The following JMJD6 variants were observed in gnomAD, a reference collection of about 807,000 sequenced individuals.
JMJD6 encodes the protein bifunctional arginine demethylase and lysyl-hydroxylase JMJD6.
JMJD6 carries 17 observed loss-of-function variants against 45.8 expected under a neutral mutation model. That is an observed-to-expected ratio of 0.37 (90% CI 0.25 to 0.56). The LOEUF is 0.56. Ranked by LOEUF, JMJD6 falls within the 20% of genes least tolerant of loss-of-function variation. The pLI, the probability that JMJD6 is intolerant of heterozygous loss-of-function variation, is 0.79. For synonymous variants in JMJD6, 221 were observed against 196.3 expected, an observed-to-expected ratio of 1.13 and a Z score of -1.05; for missense variants, 470 against 517.5, an observed-to-expected ratio of 0.91 and a Z score of 0.89.
Position 76,718,839 on chromosome 17 carries a change from C to A in JMJD6, c.1102G>T (p.Asp368Tyr). The A allele has an allele frequency of 6.2e-7, 1 of 1,614,110 alleles. No individual in the cohort carries two copies. The highest frequency in any genetic ancestry group is 8.5e-7 in the Non-Finnish European group (1 of 1,179,980). Residue 368 changes from aspartate to tyrosine, a missense_variant, in exon 6 of 6, where the codon GAT (aspartate) becomes TAT (tyrosine). Physicochemically the swap from Asp to Tyr is radical, Grantham distance 160. Around this residue, in one of 4 missense-constraint regions of JMJD6, gnomAD observed 45 missense variants for 37.2 expected, o/e 1.21. Transcript: ENST00000397625. ...TTCTTCCTGCGGTGCACTGTCCCAT[C>A]GCCCTCGGATCCAGACTCGCACTGG... is the stretch of plus-strand genomic sequence containing the variant. ...DSECESGSEG[D>Y]GTVHRRKKRR...
chr17:76,726,147 C>T (rs779638647), intron 1 of JMJD6, among the ~76,000 whole-genome samples, 200 bp downstream of exon 1: 3 of 152,256 alleles, frequency 2.0e-5, no homozygotes, highest in Non-Finnish European at 4.4e-5. Flanking sequence ...TCCGCCAGAG[C>T]AGACGGGCGG....
intron 3 of JMJD6, among the ~76,000 whole-genome samples, chr17:76,722,560 C>A (rs2076838054): frequency 6.6e-6 from 1 of 152,054 alleles, no homozygotes; most frequent in South Asian, 2.1e-4. Context: ...CAGAATTAAA[C>A]CCTGGCCGGG....
Position 76,719,132 on chromosome 17 carries a change from T to G in JMJD6, c.1081-272A>C, listed in dbSNP as rs141756368. On this transcript the variant is annotated intron_variant, in intron 5 of 5. Coordinates refer to ENST00000397625, the MANE Select transcript of JMJD6 (RefSeq NM_015167.3). The stretch of plus-strand genomic sequence containing the variant: ...ATCTGTCTGAATAGGATACCCATTG[T>G]AAAAATCTTTTAGTCAGAATTCTGA... Among the ~76,000 whole-genome samples the G allele has an allele frequency of 5.4e-3, 820 of 152,322 alleles. 5 individuals are homozygous for G. The highest frequency in any genetic ancestry group is 0.01 in the Middle Eastern group (3 of 294).
intron 3 of JMJD6, 73 bp from the exon 4 acceptor site, chr17:76,722,006 A>T: frequency 6.5e-7 from 1 of 1,530,726 alleles, no homozygotes; most frequent in East Asian, 2.4e-5. Flanking sequence ...CACACACCAG[A>T]AATTGGGAAC....
chr17:76,723,669 C>T, intron 3 of JMJD6, 103 bp downstream of exon 3: 1 of 1,092,132 alleles, frequency 9.2e-7, no homozygotes, highest in Non-Finnish European at 1.4e-6. Flanking sequence ...TCTCGATCTC[C>T]TGACCTCGTG....
downstream of JMJD6, among the ~76,000 whole-genome samples, chr17:76,718,237 G>C (rs934799081): frequency 6.7e-6 from 1 of 149,608 alleles, no homozygotes; most frequent in Non-Finnish European, 1.5e-5. Flanking sequence ...CACTCAAGCA[G>C]CAACGGCAAA....
Position 76,723,934 on chromosome 17 carries a change from T to C in JMJD6, c.643A>G (p.Arg215Gly). ...TCTCGGGTCACTTTGATGAGTTCCC[T>C]GGGAGTGCTGGTAGGAAACAGGCAC... Reference protein sequence around the residue: ...RWCLFPTSTPRELIKVTRDEG... With the variant: ...RWCLFPTSTPGELIKVTRDEG... Residue 215 changes from arginine to glycine, a missense_variant, in exon 3 of 6, where the codon AGG (arginine) becomes GGG (glycine). This residue lies in a region of JMJD6 where 346 missense variants were observed against 339.5 expected (regional missense o/e 1.02). Coordinates refer to ENST00000397625, the MANE Select transcript of JMJD6 (RefSeq NM_015167.3). 6.2e-7 allele frequency: 1 copy of C among 1,614,124 alleles called. No homozygotes were observed. The highest frequency in any genetic ancestry group is 8.5e-7 in the Non-Finnish European group (1 of 1,180,014).
intron 1 of JMJD6, 118 bp downstream of exon 1, chr17:76,726,229 G>T (rs1357668410): frequency 2.3e-6 from 3 of 1,331,276 alleles, no homozygotes; most frequent in South Asian, 1.5e-5. Context: ...CGGGGTGCGG[G>T]TGAGCCTCTA....
chr17:76,719,734 T>A (rs763723877), intron 5 of JMJD6, among the ~76,000 whole-genome samples: 4 of 152,196 alleles, frequency 2.6e-5, no homozygotes, highest in Non-Finnish European at 5.9e-5. Flanking sequence ...AGCTTTGAGG[T>A]CAGAAGGATG....
rs374662446 is a variant in JMJD6 at position 76,723,929 on chromosome 17, T to C, written c.648A>G (p.Glu216=). The stretch of plus-strand genomic sequence containing the variant: ...CTTCGTCTCGGGTCACTTTGATGAG[T>C]TCCCTGGGAGTGCTGGTAGGAAACA... ...WCLFPTSTPR[E]LIKVTRDEGG... is the part of the protein sequence containing the mutation. The change falls in exon 3 of 6, where the codon GAA becomes GAG. Residue 216 remains glutamate, a synonymous_variant. Coordinates refer to ENST00000397625, the MANE Select transcript of JMJD6 (RefSeq NM_015167.3). The C allele has an allele frequency of 6.8e-6, 11 of 1,613,926 alleles. No individual in the cohort carries two copies. Among genetic ancestry groups the C allele is most frequent in the African/African-American group, 2.7e-5 (2 of 74,846 alleles).
In JMJD6 at chr17:76,725,834, C is replaced by T. The variant is rs1452340798; in HGVS notation, c.151G>A (p.Ala51Thr). 2.5e-6 allele frequency: 4 copies of T among 1,612,412 alleles called. No individual in the cohort carries two copies. In the South Asian group the frequency reaches 4.4e-5, roughly 18 times the overall value. Residue 51 changes from alanine (A) to threonine (T), a missense_variant, in exon 2 of 6, where the codon GCT (alanine) becomes ACT (threonine). Transcript: ENST00000397625. ...AVADNVERADALQLSVEEFVE... is the reference protein window; with the variant it reads ...AVADNVERADTLQLSVEEFVE... ...AATTCTTCCACAGACAGCTGTAAAG[C>T]ATCTGCCCTTTCCACGTTATCCTGA...
downstream of JMJD6, chr17:76,716,620 G>A: frequency 1.4e-6 from 2 of 1,458,582 alleles, no homozygotes; most frequent in Non-Finnish European, 1.9e-6. Flanking sequence ...GAAGATGCGA[G>A]AACTGAGTTG....
At chr17:76,718,160 C>CAAA (rs11335765), downstream of JMJD6, among the ~76,000 whole-genome samples, 3 of 65,862 alleles carry the variant, frequency 4.6e-5, no homozygotes, top group Non-Finnish European at 6.1e-5. Context: ...GACCCTGTCT[C>CAAA]AAAAAAAAAA....
At position 76,725,983 on chromosome 17, in the gene JMJD6, G is replaced by A. The variant is rs377066479; in HGVS notation, c.130-128C>T. 4.9e-4 allele frequency: 598 copies of A among 1,216,078 alleles called. 1 individual carries two copies. The African/African-American group carries it at 7.6e-3, about 15-fold the overall frequency. 75.3% of individuals were successfully genotyped at this position (1,216,078 alleles called of 1,614,324 possible). A position where few individuals can be genotyped will look rare whatever the true frequency, so the allele number is the denominator to read the frequency against. ...GTTGACTCTCGTCTGGCTCCTCCGG[G>A]GTGGGGGCAGGGCGCGTGCGTGAGG... On this transcript the variant is annotated intron_variant, in intron 1 of 5. Transcript: ENST00000397625.
intron 5 of JMJD6, among the ~76,000 whole-genome samples, chr17:76,719,674 T>C (rs2076799022): frequency 6.6e-6 from 1 of 152,256 alleles, no homozygotes; most frequent in Admixed American, 6.5e-5. Context: ...CTGGATTTGC[T>C]GAATTTCCAG....
downstream of JMJD6, chr17:76,716,108 A>T (rs1041036949): frequency 9.2e-5 from 14 of 152,694 alleles, no homozygotes; most frequent in African/African-American, 3.4e-4. Context: ...AACACCCCTG[A>T]AATTTCAGTC....
In JMJD6 at chr17:76,723,913, G is replaced by A. The variant is rs933432513; in HGVS notation, c.664C>T (p.Arg222Ter). 2.5e-6 allele frequency: 4 copies of A among 1,613,856 alleles called. No individual in the cohort carries two copies. Among genetic ancestry groups the A allele is most frequent in the African/African-American group, 2.7e-5 (2 of 74,832 alleles). Residue 222 changes from arginine (R) to a stop codon, truncating the protein, a stop_gained, in exon 3 of 6, where the codon CGA becomes TGA. Transcript: ENST00000397625. LOFTEE classifies it high-confidence loss of function. ...TCTTGCTGGTTCCCTCCTTCGTCTC[G>A]GGTCACTTTGATGAGTTCCCTGGGA... ...STPRELIKVT[R>*]DEGGNQQDEA...
At position 76,725,551 on chromosome 17, in the gene JMJD6, T is replaced by C. The variant is rs1203863055; in HGVS notation, c.434A>G (p.Lys145Arg). The C allele has an allele frequency of 6.2e-7, 1 of 1,614,134 alleles. No individual in the cohort carries two copies. Among genetic ancestry groups the C allele is most frequent in the South Asian group, 1.1e-5 (1 of 91,082 alleles). The part of the protein sequence containing the change: ...SSYGEHPKRR[K>R]LLEDYKVPKF... ...TGGCACCTTGTAGTCTTCCAAAAGT[T>C]TCCTTCTTTTAGGGTGTTCACCATA... Residue 145 changes from lysine (K) to arginine (R), a missense_variant, in exon 2 of 6, where the codon AAA (lysine) becomes AGA (arginine). Transcript: ENST00000397625.
In JMJD6 at chr17:76,725,496, A is replaced by G; in HGVS notation, c.489T>C (p.Tyr163=). 6.2e-7 allele frequency: 1 copy of G among 1,613,770 alleles called. No individual in the cohort carries two copies. Among genetic ancestry groups the G allele is most frequent in the Non-Finnish European group, 8.5e-7 (1 of 1,179,924 alleles). Residue 163 remains tyrosine (Y), a synonymous_variant, in exon 2 of 6, where the codon TAT becomes TAC. Coordinates refer to ENST00000397625, the MANE Select transcript of JMJD6 (RefSeq NM_015167.3). ...AAGGGGGCCTGCGCTTCTCCCCAGC[A>G]TACTGGAAAAGGTCATCAGTGAAAA... ...PKFFTDDLFQ[Y]AGEKRRPPYR...
Sources: gnomAD v4.1 joint callset for allele counts (sites outside exome capture counted in the v4.1 genomes callset) on GRCh38, gnomAD v4.1.1 for gene constraint, gnomAD v4.1.1 regional missense constraint, MANE v1.5 for transcripts, NCBI Gene and HGNC (gene_info 2026-07-23, HGNC 2026-07-21) for gene names.